PRPF18: variants seen among roughly 807,000 people sequenced by gnomAD.
The protein encoded by PRPF18 is pre-mRNA-splicing factor 18.
A neutral mutation model predicts 46.5 loss-of-function variants in PRPF18; 38 were observed. That is an observed-to-expected ratio of 0.82 (90% confidence interval 0.63 to 1.07). PRPF18 has a LOEUF of 1.07. Among genes scored for constraint, PRPF18 ranks in the 50% least tolerant of loss-of-function variants. The pLI, the probability that PRPF18 is intolerant of heterozygous loss-of-function variation, is 0.00. For missense variants in PRPF18, 263 were observed against 410.0 expected (o/e 0.64, Z 3.10); for synonymous variants, 152 against 146.7 (o/e 1.04, Z -0.26).
At chr10:13,619,566 G>A (rs1422887700) in intron 9 of PRPF18, among the ~76,000 whole-genome samples, 2 of 152,092 alleles carry the variant, frequency 1.3e-5, no homozygotes, top group Non-Finnish European at 2.9e-5. Context: ...CAACTCATGC[G>A]CCCAAGAGTC....
chr10:13,629,822 T>G (rs528108185), intron 9 of PRPF18, among the ~76,000 whole-genome samples: 59 of 152,322 alleles, frequency 3.9e-4, no homozygotes, highest in Non-Finnish European at 6.2e-4. Flanking sequence ...CTCCTAAATT[T>G]TAGATGCATA....
chr10:13,595,418 G>A (rs1185386458), intron 1 of PRPF18, among the ~76,000 whole-genome samples: 1 of 152,006 alleles, frequency 6.6e-6, no homozygotes, highest in Admixed American at 6.6e-5. Context: ...AGCCCTTTCT[G>A]AGAGGATACC....
At chr10:13,607,962 C>G (rs959644209) in intron 4 of PRPF18, among the ~76,000 whole-genome samples, 1 of 152,128 alleles carries the variant, frequency 6.6e-6, no homozygotes, top group African/African-American at 2.4e-5. Flanking sequence ...TAGTGTTGTT[C>G]AGATCTTCTT....
intron 1 of PRPF18, 160 bp downstream of exon 1, chr10:13,587,312 T>A: frequency 1.4e-6 from 1 of 738,468 alleles, no homozygotes; most frequent in South Asian, 1.6e-5. Context: ...ATCCAACCCT[T>A]GGCGTCTCAC....
intron 2 of PRPF18, among the ~76,000 whole-genome samples, chr10:13,598,163 C>A (rs2133302174): frequency 6.6e-6 from 1 of 152,132 alleles, no homozygotes; most frequent in Admixed American, 6.5e-5. Flanking sequence ...AATGAGTTGT[C>A]TGGAAGGCTT....
downstream of PRPF18, among the ~76,000 whole-genome samples, chr10:13,633,554 T>C (rs536323103): frequency 1.3e-4 from 20 of 152,306 alleles, no homozygotes; most frequent in African/African-American, 4.8e-4. Flanking sequence ...TTCAGCCACA[T>C]GTGCTCACCT....
At chr10:13,597,030 G>T (rs891727621) in intron 1 of PRPF18, among the ~76,000 whole-genome samples, 1 of 152,060 alleles carries the variant, frequency 6.6e-6, no homozygotes, top group African/African-American at 2.4e-5. Context: ...TTGTTATGTG[G>T]GATATCAAAT....
chr10:13,627,289 T>G (rs1319391963), intron 9 of PRPF18, among the ~76,000 whole-genome samples: 1 of 152,198 alleles, frequency 6.6e-6, no homozygotes, highest in African/African-American at 2.4e-5. Flanking sequence ...TTACCACAAT[T>G]CGATCTCAGG....
rs542707803 is a variant in PRPF18, at chr10:13,618,170, G to A, written c.948+1617G>A. ...ACAGCAAGAAACTAGAAGGGATGGA[G>A]TGTATGTTAAGGTGGAAAAGAAACT... is the stretch of plus-strand genomic sequence containing the variant. On this transcript the variant is annotated intron_variant, in intron 9 of 9. Coordinates refer to ENST00000378572, the MANE Select transcript of PRPF18 (RefSeq NM_003675.4). Among the ~76,000 whole-genome samples the A allele has an allele frequency of 3.8e-4, 58 of 152,278 alleles. 1 individual carries two copies. The highest frequency in any genetic ancestry group is 6.8e-3 in the Middle Eastern group (2 of 294).
intron 3 of PRPF18, among the ~76,000 whole-genome samples, chr10:13,603,305 G>C (rs534030112): frequency 6.6e-6 from 1 of 151,774 alleles, no homozygotes; most frequent in Admixed American, 6.5e-5. Flanking sequence ...GGTGGTGGTG[G>C]TGGTGGTGGT....
the PRPF18 span, chr10:13,641,352 CAA>C: frequency 2.0e-5 from 3 of 152,114 alleles, no homozygotes; most frequent in African/African-American, 7.2e-5. Flanking sequence ...AGGGGACAGT[CAA>C]GAGTTTAGTT....
chr10:13,634,867 C>T (rs1346311172), downstream of PRPF18, among the ~76,000 whole-genome samples: 1 of 152,084 alleles, frequency 6.6e-6, no homozygotes, highest in African/African-American at 2.4e-5. Context: ...AGTTTGAAAA[C>T]CACTGATTTT....
At position 13,596,139 on chromosome 10, in the gene PRPF18, G is replaced by A. The variant is rs993643325; in HGVS notation, c.67-1319G>A. Among the ~76,000 whole-genome samples, 13 of 152,108 alleles carry A rather than the reference G, an allele frequency of 8.5e-5. No individual in the cohort carries two copies. In the South Asian group the frequency reaches 2.5e-3, roughly 29 times the overall value. On this transcript the variant is annotated intron_variant, in intron 1 of 9. Transcript: ENST00000378572. ...ATCTTGGTTTCTTTTAATGAAGAACGTTGTCATTTTCTCAACTTGGCTGAT... is the reference window on the plus strand; with the variant it reads ...ATCTTGGTTTCTTTTAATGAAGAACATTGTCATTTTCTCAACTTGGCTGAT...
intron 8 of PRPF18, among the ~76,000 whole-genome samples, chr10:13,616,184 G>GT (rs993175110): frequency 4.6e-5 from 7 of 151,746 alleles, no homozygotes; most frequent in African/African-American, 1.7e-4. Context: ...TTTGGTTTCT[G>GT]TTTTTTCCAT....
the PRPF18 span, chr10:13,654,529 C>A: frequency 6.5e-7 from 1 of 1,538,712 alleles, no homozygotes; most frequent in South Asian, 1.1e-5. Context: ...GCAGGTGGTG[C>A]AAGAAAGGCA....
intron 8 of PRPF18, 101 bp downstream of exon 8, chr10:13,614,187 T>A (rs2080308290): frequency 2.2e-6 from 2 of 911,408 alleles, no homozygotes; most frequent in Non-Finnish European, 1.6e-6. Flanking sequence ...ATAGTAGATT[T>A]AAGAATAAAT....
Position 13,627,417 on chromosome 10 carries a change from A to G in PRPF18, c.949-2843A>G, listed in dbSNP as rs75458598. Among the ~76,000 whole-genome samples, 1,009 of 152,344 alleles carry G rather than the reference A, an allele frequency of 6.6e-3. 12 individuals carry two copies. The highest frequency in any genetic ancestry group is 0.023 in the African/African-American group (962 of 41,570). ...GGGTATTGCCTTTATATAAATAAAA[A>G]GCCAATTAAAAATACCACAAGTTTT... On this transcript the variant is annotated intron_variant, in intron 9 of 9. Coordinates refer to ENST00000378572, the MANE Select transcript of PRPF18 (RefSeq NM_003675.4).
chr10:13,599,645 T>A (rs535065166), intron 2 of PRPF18, among the ~76,000 whole-genome samples: 1 of 152,248 alleles, frequency 6.6e-6, no homozygotes, highest in African/African-American at 2.4e-5. Context: ...AGTAGACAGG[T>A]GCTTTTTTCC....
the PRPF18 span, among the ~76,000 whole-genome samples, chr10:13,653,604 C>G: frequency 1.3e-5 from 2 of 152,222 alleles, no homozygotes; most frequent in Admixed American, 1.3e-4. Context: ...TCCCAGACAT[C>G]CCCCTGATGC....
Sources: allele counts gnomAD v4.1 joint callset (sites outside exome capture counted in the v4.1 genomes callset), GRCh38; gene constraint gnomAD v4.1.1; transcripts MANE v1.5; gene names NCBI Gene and HGNC (gene_info 2026-07-23, HGNC 2026-07-21).